RAD23B: variants seen among roughly 807,000 people sequenced by gnomAD.
RAD23B encodes RAD23 nucleotide excision repair protein B, also known as lysine-specific demethylase RAD23B.
In RAD23B, 5 loss-of-function variants were observed where a neutral mutation model predicts 49.1. That is an observed-to-expected ratio of 0.10 (90% CI 0.05 to 0.21). RAD23B has a LOEUF of 0.21. RAD23B is among the 10% of genes least tolerant of loss of function. The pLI is 1.00. For missense variants in RAD23B, 356 were observed against 486.7 expected, an observed-to-expected ratio of 0.73 and a Z score of 2.53; for synonymous variants, 184 against 165.4, an observed-to-expected ratio of 1.11 and a Z score of -0.86.
chr9:107,313,387 G>A (rs556289257), intron 5 of RAD23B, among the ~76,000 whole-genome samples: 7 of 152,120 alleles, frequency 4.6e-5, no homozygotes, highest in African/African-American at 1.2e-4. Context: ...CACCACGCCC[G>A]ACTAATTTTG....
Position 107,331,919 on chromosome 9 carries a change from A to G in RAD23B, c.*2263A>G, listed in dbSNP as rs976042318. On this transcript the variant is annotated 3_prime_UTR_variant, in exon 10 of 10. Coordinates refer to ENST00000358015, the MANE Select transcript of RAD23B (RefSeq NM_002874.5). ...TTTTGCTGTTAATGTTTAATTTACA[A>G]ACTGTTTTGGTAAATCTCTTAATGT... 5 of 476,524 alleles carry G rather than the reference A, an allele frequency of 1.0e-5. No homozygotes were observed. The highest frequency in any genetic ancestry group is 3.7e-5 in the Admixed American group (1 of 27,154). 29.5% of individuals were successfully genotyped at this position (476,524 alleles called of 1,614,324 possible).
chr9:107,326,005 T>G (rs1488538580), intron 9 of RAD23B, among the ~76,000 whole-genome samples: 1 of 152,222 alleles, frequency 6.6e-6, no homozygotes, highest in Non-Finnish European at 1.5e-5. Flanking sequence ...TTTTGTCCTT[T>G]AGTATGCTTT....
At chr9:107,292,805 A>G (rs1833410054) in intron 1 of RAD23B, among the ~76,000 whole-genome samples, 1 of 151,926 alleles carries the variant, frequency 6.6e-6, no homozygotes, top group Admixed American at 6.6e-5. Context: ...TAGAGCCTGT[A>G]TGTTTAACCT....
At chr9:107,325,503 T>C (rs1351657119) in intron 9 of RAD23B, among the ~76,000 whole-genome samples, 1 of 152,160 alleles carries the variant, frequency 6.6e-6, no homozygotes, top group East Asian at 1.9e-4. Context: ...TTTTTGATGC[T>C]GTTATAAATG....
chr9:107,300,992 G>A (rs1336888007), intron 2 of RAD23B, among the ~76,000 whole-genome samples: 1 of 152,104 alleles, frequency 6.6e-6, no homozygotes, highest in Non-Finnish European at 1.5e-5. Flanking sequence ...CAAATTTCCA[G>A]TTTCTTGTTT....
intron 8 of RAD23B, among the ~76,000 whole-genome samples, chr9:107,324,505 A>T (rs1827165459): frequency 6.6e-6 from 1 of 152,200 alleles, no homozygotes; most frequent in Non-Finnish European, 1.5e-5. Flanking sequence ...AAGGTAAAAA[A>T]TACATGCAAG....
chr9:107,306,043 G>GTTTT (rs756440344), intron 3 of RAD23B, among the ~76,000 whole-genome samples: 1 of 121,458 alleles, frequency 8.2e-6, no homozygotes, highest in Non-Finnish European at 1.7e-5. Flanking sequence ...AAATGATACG[G>GTTTT]TTTATATCTA....
At chr9:107,286,990 G>T (rs779723858) in intron 1 of RAD23B, among the ~76,000 whole-genome samples, 3 of 151,420 alleles carry the variant, frequency 2.0e-5, no homozygotes, top group Non-Finnish European at 4.4e-5. Context: ...CAGGAGAATC[G>T]CTTGAACCCA....
intron 9 of RAD23B, among the ~76,000 whole-genome samples, chr9:107,327,233 T>G (rs1035514017): frequency 6.7e-6 from 1 of 149,082 alleles, no homozygotes; most frequent in Non-Finnish European, 1.5e-5. Flanking sequence ...ATTCTCCCTA[T>G]TGTTTTTCTA....
chr9:107,318,516 C>G lies in RAD23B; in HGVS notation c.554-236C>G, dbSNP rs1827039319. On this transcript the variant is annotated intron_variant, in intron 5 of 9. Transcript: ENST00000358015. The surrounding 1 kb of genome is among the most constrained non-coding windows in gnomAD (Gnocchi z 4.3). ...AGCTGATTAGCAACCTTAATTTTAT[C>G]TATAACCGCAATTTCCCTTTGCCTT... Among the ~76,000 whole-genome samples, 1 of 152,170 alleles carries G rather than the reference C, an allele frequency of 6.6e-6. No homozygotes were observed. Among genetic ancestry groups the G allele is most frequent in the Admixed American group, 6.5e-5 (1 of 15,270 alleles).
chr9:107,284,827 T>C, intron 1 of RAD23B: 1 of 1,220,724 alleles, frequency 8.2e-7, no homozygotes, highest in Admixed American at 2.5e-5. Context: ...GTAACTTATT[T>C]GCTATGACCT....
chr9:107,315,189 A>AT (rs1369771623), intron 5 of RAD23B, among the ~76,000 whole-genome samples: 4 of 152,152 alleles, frequency 2.6e-5, no homozygotes, highest in Non-Finnish European at 5.9e-5. Context: ...GTTCTTCTAA[A>AT]TATGGCTATC....
chr9:107,308,409 G>A (rs1035530595), intron 4 of RAD23B, among the ~76,000 whole-genome samples: 1 of 151,938 alleles, frequency 6.6e-6, no homozygotes, highest in Non-Finnish European at 1.5e-5. Context: ...AGTAGAGAAG[G>A]GGTTTCACCA....
intron 1 of RAD23B, 114 bp from the exon 2 acceptor site, chr9:107,300,027 T>C: frequency 7.7e-7 from 1 of 1,305,828 alleles, no homozygotes; most frequent in Non-Finnish European, 1.0e-6. Context: ...ATTTGAGGTT[T>C]TGGAAACATT....
chr9:107,283,736 C>G, intron 1 of RAD23B, 41 bp downstream of exon 1: 1 of 1,376,312 alleles, frequency 7.3e-7, no homozygotes, highest in South Asian at 1.6e-5. Flanking sequence ...CGCGTGCGGG[C>G]CGCGGGGAGC....
chr9:107,325,001 A>C lies in RAD23B; in HGVS notation c.1113A>C (p.Glu371Asp), dbSNP rs1468474780. Residue 371 changes from glutamate to aspartate, a missense_variant, in exon 9 of 10, where the codon GAA becomes GAC. Coordinates refer to ENST00000358015, the MANE Select transcript of RAD23B (RefSeq NM_002874.5). ...CACCTCAGGAAAAAGAAGCTATAGA[A>C]AGGGTGAGTTTAAGTAAAACTTTAA... ...QVTPQEKEAI[E>D]RLKALGFPEG... 1 of 1,612,528 alleles carries C rather than the reference A, an allele frequency of 6.2e-7. No individual in the cohort carries two copies. The highest frequency in any genetic ancestry group is 8.5e-7 in the Non-Finnish European group (1 of 1,179,344).
intron 6 of RAD23B, among the ~76,000 whole-genome samples, chr9:107,319,454 G>A (rs1280933576): frequency 6.6e-6 from 1 of 151,980 alleles, no homozygotes; most frequent in Non-Finnish European, 1.5e-5. Flanking sequence ...GAGAATCCGG[G>A]CCAAATTCTT....
chr9:107,328,785 T>C (rs1587867222), intron 9 of RAD23B, among the ~76,000 whole-genome samples: 1 of 152,198 alleles, frequency 6.6e-6, no homozygotes, highest in East Asian at 1.9e-4. Context: ...TAACTCAAGG[T>C]GATTGAGACA....
In RAD23B at chr9:107,306,384, A is replaced by C; in HGVS notation, c.234A>C (p.Lys78Asn). 6.2e-7 allele frequency: 1 copy of C among 1,613,160 alleles called. No individual in the cohort carries two copies. The highest frequency in any genetic ancestry group is 8.5e-7 in the Non-Finnish European group (1 of 1,179,278). Residue 78 changes from lysine to asparagine, a missense_variant, in exon 4 of 10, where the codon AAA (lysine) becomes AAC (asparagine). By Grantham distance (94) the Lys-to-Asn change is moderately conservative. Coordinates refer to ENST00000358015, the MANE Select transcript of RAD23B (RefSeq NM_002874.5). The stretch of plus-strand genomic sequence containing the variant: ...TTGTCTTTTAATGTGTTTAGCCCAA[A>C]GCAGTGTCCACACCAGCACCAGCTA... ...NFVVVMVTKP[K>N]AVSTPAPATT...
Sources: gnomAD v4.1 joint callset for allele counts (sites outside exome capture counted in the v4.1 genomes callset) on GRCh38, gnomAD v4.1.1 for gene constraint, Gnocchi (gnomAD v3.1) non-coding constraint, MANE v1.5 for transcripts, NCBI Gene and HGNC (gene_info 2026-07-23, HGNC 2026-07-21) for gene names.